PAG1: variants seen among roughly 807,000 people sequenced by gnomAD.
The protein encoded by PAG1 is phosphoprotein associated with glycosphingolipid-enriched microdomains 1.
A neutral mutation model predicts 31.7 loss-of-function variants in PAG1; 23 were observed. The observed-to-expected ratio is 0.73, with a 90% confidence interval of 0.52 to 1.03. The LOEUF is 1.03. Among genes scored for constraint, PAG1 ranks in the 50% least tolerant of loss-of-function variants. The pLI is 0.00. For synonymous variants in PAG1, 214 were observed against 210.3 expected, an observed-to-expected ratio of 1.02 and a Z score of -0.15; for missense variants, 473 against 540.7, an observed-to-expected ratio of 0.87 and a Z score of 1.24.
At chr8:81,024,910 T>G (rs1370643213) in intron 3 of PAG1, among the ~76,000 whole-genome samples, 1 of 152,204 alleles carries the variant, frequency 6.6e-6, no homozygotes, top group African/African-American at 2.4e-5. Flanking sequence ...AATTTTTCAT[T>G]TGATGTGTTG....
chr8:80,973,880 G>A lies in PAG1; in HGVS notation c.*2664C>T, dbSNP rs1807127460. On this transcript the variant is annotated 3_prime_UTR_variant, in exon 9 of 9. Coordinates refer to ENST00000220597, the MANE Select transcript of PAG1 (RefSeq NM_018440.4). ...CCAAATAGCTGAGCCATCTTTCTAA[G>A]GTTCACTCTGCTTCTCTCCCCCAGC... is the stretch of plus-strand genomic sequence containing the variant. 1.3e-5 allele frequency: 2 copies of A among 152,294 alleles called. No homozygotes were observed. Among genetic ancestry groups the A allele is most frequent in the South Asian group, 4.1e-4 (2 of 4,822 alleles). The allele number at this position is 152,294 out of a possible 1,614,324, so 9.4% of individuals were successfully genotyped here. A position where few individuals can be genotyped will look rare whatever the true frequency, so the allele number is the denominator to read the frequency against.
At chr8:81,067,997 A>G (rs1224687300) in intron 2 of PAG1, among the ~76,000 whole-genome samples, 1 of 152,176 alleles carries the variant, frequency 6.6e-6, no homozygotes, top group East Asian at 1.9e-4. Context: ...CCTAGGCTCA[A>G]GCAATTCTTG....
intron 2 of PAG1, among the ~76,000 whole-genome samples, chr8:81,037,557 T>TA (rs1808481528): frequency 6.6e-6 from 1 of 152,236 alleles, no homozygotes; most frequent in African/African-American, 2.4e-5. Flanking sequence ...ACGATGTGTT[T>TA]AAGAGAAGCT....
intron 3 of PAG1, among the ~76,000 whole-genome samples, chr8:80,997,399 T>C (rs1807702184): frequency 6.6e-6 from 1 of 152,134 alleles, no homozygotes; most frequent in Non-Finnish European, 1.5e-5. Context: ...GCCTCTTGAG[T>C]AGCTGGGAAC....
intron 1 of PAG1, among the ~76,000 whole-genome samples, chr8:81,094,606 G>C (rs964266881): frequency 4.2e-4 from 64 of 152,010 alleles, no homozygotes; most frequent in African/African-American, 1.5e-3. Flanking sequence ...TAAGATCCAA[G>C]CTCTTCTTTG....
chr8:80,994,159 C>T (rs888871204), intron 3 of PAG1, among the ~76,000 whole-genome samples: 4 of 151,936 alleles, frequency 2.6e-5, no homozygotes, highest in Non-Finnish European at 4.4e-5. Flanking sequence ...ATCTCCCTCA[C>T]CCACTGTTGT....
At chr8:81,076,967 G>GAATGA (rs1260966530) in intron 1 of PAG1, among the ~76,000 whole-genome samples, 5 of 152,130 alleles carry the variant, frequency 3.3e-5, no homozygotes, top group African/African-American at 9.7e-5. Flanking sequence ...AATGAGAATG[G>GAATGA]TTAATACCAT....
chr8:81,016,511 T>A (rs1019919094), intron 3 of PAG1, among the ~76,000 whole-genome samples: 1 of 152,190 alleles, frequency 6.6e-6, no homozygotes, highest in African/African-American at 2.4e-5. Context: ...TTTTCACTAA[T>A]GAAAGCACAA....
At chr8:81,085,968 GCTTGT>G in intron 1 of PAG1, among the ~76,000 whole-genome samples, 1 of 109,054 alleles carries the variant, frequency 9.2e-6, no homozygotes, top group East Asian at 2.9e-4. Flanking sequence ...TTTTAATCTG[GCTTGT>G]TTTTTTTTTT....
intron 1 of PAG1, among the ~76,000 whole-genome samples, chr8:81,083,492 C>G (rs1809301887): frequency 1.3e-5 from 2 of 152,002 alleles, no homozygotes; most frequent in African/African-American, 4.8e-5. Flanking sequence ...CACCCCAGCT[C>G]TCAATTTAGA....
At chr8:80,993,379 C>T in intron 3 of PAG1, 72 bp from the exon 4 acceptor site, 3 of 743,930 alleles carry the variant, frequency 4.0e-6, no homozygotes, top group Non-Finnish European at 6.3e-6. Context: ...CGGTCCCTGT[C>T]AGGAGCAAGA....
intron 3 of PAG1, among the ~76,000 whole-genome samples, chr8:80,998,967 T>C (rs2130569274): frequency 6.6e-6 from 1 of 152,282 alleles, no homozygotes; most frequent in South Asian, 2.1e-4. Context: ...TGTGGTAAAA[T>C]GACACTTTGT....
At chr8:80,980,324 T>C in intron 8 of PAG1, 111 bp downstream of exon 8, 2 of 668,036 alleles carry the variant, frequency 3.0e-6, no homozygotes, top group East Asian at 2.6e-5. Context: ...AACATAGGCA[T>C]AGGAGAATAT....
intron 1 of PAG1, among the ~76,000 whole-genome samples, chr8:81,087,835 G>A (rs1384632794): frequency 6.6e-6 from 1 of 152,196 alleles, no homozygotes; most frequent in Non-Finnish European, 1.5e-5. Flanking sequence ...GCTGGGGCCA[G>A]AGACCCAAAT....
At chr8:81,047,580 T>C (rs573543136) in intron 2 of PAG1, among the ~76,000 whole-genome samples, 31 of 152,338 alleles carry the variant, frequency 2.0e-4, no homozygotes, top group Non-Finnish European at 3.5e-4. Flanking sequence ...TCTTGTCTCA[T>C]GCATCTGGGC....
intron 1 of PAG1, among the ~76,000 whole-genome samples, chr8:81,073,909 G>A (rs1437110840): frequency 6.6e-6 from 1 of 152,072 alleles, no homozygotes; most frequent in Non-Finnish European, 1.5e-5. Context: ...CCTGAAGGTG[G>A]GGGGGAGGCA....
intron 1 of PAG1, among the ~76,000 whole-genome samples, chr8:81,088,128 A>G (rs1008779808): frequency 1.3e-5 from 2 of 152,136 alleles, no homozygotes; most frequent in East Asian, 3.8e-4. Flanking sequence ...TTAATTATGT[A>G]TTATTTACCT....
At chr8:81,096,219 T>C (rs1211713166) in intron 1 of PAG1, among the ~76,000 whole-genome samples, 1 of 152,174 alleles carries the variant, frequency 6.6e-6, no homozygotes, top group African/African-American at 2.4e-5. Context: ...GCACTCATGT[T>C]GTAAGTGTTC....
chr8:80,982,672 C>T (rs1241736383), intron 7 of PAG1, among the ~76,000 whole-genome samples: 1 of 152,214 alleles, frequency 6.6e-6, no homozygotes, highest in Non-Finnish European at 1.5e-5. Flanking sequence ...TCAAGTTGAA[C>T]GTACCCAACA....
Sources: gnomAD v4.1 joint callset for allele counts (sites outside exome capture counted in the v4.1 genomes callset) on GRCh38, gnomAD v4.1.1 for gene constraint, MANE v1.5 for transcripts, NCBI Gene and HGNC (gene_info 2026-07-23, HGNC 2026-07-21) for gene names.